The following CDH12 variants were observed in gnomAD, a reference collection of about 807,000 sequenced individuals.
The protein encoded by CDH12 is cadherin 12.
Under a neutral mutation model 74.1 loss-of-function variants are expected in CDH12, and 41 were observed. The ratio of observed to expected loss-of-function variants is 0.55; its 90% confidence interval spans 0.43 to 0.72. CDH12 has a LOEUF of 0.72. Among genes scored for constraint, CDH12 ranks in the 30% least tolerant of loss-of-function variants. The pLI, the probability that CDH12 is intolerant of heterozygous loss-of-function variation, is 0.00. For synonymous variants in CDH12, 399 were observed against 355.0 expected, an observed-to-expected ratio of 1.12 and a Z score of -1.39; for missense variants, 945 against 977.2, an observed-to-expected ratio of 0.97 and a Z score of 0.44.
chr5:22,200,254 C>G (rs1013439791), intron 4 of CDH12, among the ~76,000 whole-genome samples: 1 of 152,052 alleles, frequency 6.6e-6, no homozygotes, highest in Non-Finnish European at 1.5e-5. Flanking sequence ...ACAACATAGC[C>G]AATTTCAGTT....
At chr5:22,306,954 T>G (rs1474539126) in intron 3 of CDH12, among the ~76,000 whole-genome samples, 2 of 152,220 alleles carry the variant, frequency 1.3e-5, no homozygotes, top group Non-Finnish European at 2.9e-5. Flanking sequence ...AAGCTGCTAT[T>G]TTTATCTAAA....
intron 2 of CDH12, among the ~76,000 whole-genome samples, chr5:22,416,983 A>G (rs1743419852): frequency 6.6e-6 from 1 of 152,190 alleles, no homozygotes; most frequent in Admixed American, 6.5e-5. Context: ...ACTACATTTG[A>G]TGTTCTTAAA....
chr5:22,395,322 A>G (rs912738524), intron 3 of CDH12, among the ~76,000 whole-genome samples: 6 of 152,148 alleles, frequency 3.9e-5, no homozygotes, highest in African/African-American at 1.4e-4. Context: ...AGAAGCTACA[A>G]TAGGCAAGAG....
At chr5:22,213,084 G>T (rs995893769) in intron 3 of CDH12, among the ~76,000 whole-genome samples, 1 of 152,136 alleles carries the variant, frequency 6.6e-6, no homozygotes, top group Non-Finnish European at 1.5e-5. Flanking sequence ...TGATTTGTAA[G>T]ACAAGCTTAA....
intron 3 of CDH12, among the ~76,000 whole-genome samples, chr5:22,398,855 C>T (rs1742581825): frequency 6.6e-6 from 1 of 152,000 alleles, no homozygotes; most frequent in Non-Finnish European, 1.5e-5. Flanking sequence ...ATGGTTGGCT[C>T]CTATGTAAGC....
At chr5:22,359,029 C>G (rs1266571802) in intron 3 of CDH12, among the ~76,000 whole-genome samples, 1 of 152,100 alleles carries the variant, frequency 6.6e-6, no homozygotes, top group South Asian at 2.1e-4. Context: ...AACTAATGAG[C>G]AAAATAACCA....
intron 10 of CDH12, among the ~76,000 whole-genome samples, chr5:21,798,250 T>TGG (rs1746904258): frequency 8.6e-5 from 1 of 11,684 alleles, no homozygotes; most frequent in Admixed American, 7.9e-4. Context: ...TATATGTGGA[T>TGG]GTGTGTGTGT....
At chr5:21,774,033 G>A (rs1188497080) in intron 11 of CDH12, among the ~76,000 whole-genome samples, 1 of 152,216 alleles carries the variant, frequency 6.6e-6, no homozygotes, top group East Asian at 1.9e-4. Context: ...AGTTGACAAA[G>A]GGTAGACTTG....
At chr5:22,586,198 G>A (rs958379223) in intron 1 of CDH12, among the ~76,000 whole-genome samples, 10 of 152,206 alleles carry the variant, frequency 6.6e-5, no homozygotes, top group Middle Eastern at 6.8e-3. Flanking sequence ...TAGGGACATG[G>A]ATGAAGCTGG....
chr5:22,599,307 T>C (rs759157209), intron 1 of CDH12, among the ~76,000 whole-genome samples: 1 of 152,068 alleles, frequency 6.6e-6, no homozygotes, highest in Non-Finnish European at 1.5e-5. Context: ...GATTCGGGAA[T>C]AGGCAACACT....
rs1741952727 is a variant in CDH12 at position 22,689,076 on chromosome 5, T to C, written c.-523+163982A>G. Among the ~76,000 whole-genome samples, 6 of 152,168 alleles carry C rather than the reference T, an allele frequency of 3.9e-5. No homozygotes were observed. In the South Asian group the frequency reaches 1.2e-3, roughly 32 times the overall value. On this transcript the variant is annotated intron_variant, in intron 1 of 14. Coordinates refer to ENST00000382254, the MANE Select transcript of CDH12 (RefSeq NM_004061.5). The stretch of plus-strand genomic sequence containing the variant: ...GAAAGGGATTGTCTAAATAGCAGTA[T>C]AAAAATCTCTGTAATTATGTTAACA...
chr5:21,997,178 G>C (rs1315511229), intron 5 of CDH12, among the ~76,000 whole-genome samples: 1 of 152,130 alleles, frequency 6.6e-6, no homozygotes, highest in Non-Finnish European at 1.5e-5. Flanking sequence ...AACAGGTTCA[G>C]AGTCTGGGAA....
intron 3 of CDH12, among the ~76,000 whole-genome samples, chr5:22,296,277 A>T (rs1263593258): frequency 1.3e-5 from 2 of 152,078 alleles, no homozygotes; most frequent in African/African-American, 4.8e-5. Flanking sequence ...CTAATTTGCT[A>T]ATCTACCTTA....
intron 6 of CDH12, among the ~76,000 whole-genome samples, chr5:21,928,008 C>A (rs892390289): frequency 6.6e-6 from 1 of 151,544 alleles, no homozygotes; most frequent in South Asian, 2.1e-4. Flanking sequence ...GGAGGCGGAG[C>A]TTGCAATGAG....
At chr5:21,877,721 T>G (rs542971390) in intron 6 of CDH12, among the ~76,000 whole-genome samples, 18 of 152,296 alleles carry the variant, frequency 1.2e-4, no homozygotes, top group African/African-American at 4.1e-4. Context: ...AGAGAAATCT[T>G]CAGAGCAGTG....
intron 1 of CDH12, among the ~76,000 whole-genome samples, chr5:22,507,145 ATAC>A (rs1355181223): frequency 6.6e-6 from 1 of 152,138 alleles, no homozygotes; most frequent in Admixed American, 6.6e-5. Context: ...TACCGTGTGC[ATAC>A]AACCACAGCT....
chr5:22,082,808 C>T (rs909157146), intron 4 of CDH12, among the ~76,000 whole-genome samples: 1 of 152,290 alleles, frequency 6.6e-6, no homozygotes, highest in South Asian at 2.1e-4. Flanking sequence ...GCCCATTTCC[C>T]TCAGGCCCAC....
intron 1 of CDH12, among the ~76,000 whole-genome samples, chr5:22,652,302 T>C (rs1250603554): frequency 6.6e-6 from 1 of 152,074 alleles, no homozygotes; most frequent in Non-Finnish European, 1.5e-5. Flanking sequence ...CACTAGGGGT[T>C]TCCAGAGTTA....
At position 21,853,433 on chromosome 5, in the gene CDH12, C is replaced by T. The variant is rs144919010; in HGVS notation, c.646+1238G>A. Among the ~76,000 whole-genome samples the T allele has an allele frequency of 1.1e-3, 163 of 151,656 alleles. 1 individual carries two copies. The highest frequency in any genetic ancestry group is 3.4e-3 in the Middle Eastern group (1 of 294). ...CTACCCTCTTTTCAGGTTTACATAA[C>T]GGAGTGACTCCCTGTTTTAGTCCTT... On this transcript the variant is annotated intron_variant, in intron 7 of 14. Transcript: ENST00000382254.
Sources: gnomAD v4.1 joint callset for allele counts (sites outside exome capture counted in the v4.1 genomes callset) on GRCh38, gnomAD v4.1.1 for gene constraint, MANE v1.5 for transcripts, NCBI Gene and HGNC (gene_info 2026-07-23, HGNC 2026-07-21) for gene names.